The following EPB41 variants were observed in gnomAD, a reference collection of about 807,000 sequenced individuals.
EPB41 encodes the protein erythrocyte membrane protein band 4.1.
Under a neutral mutation model 108.0 loss-of-function variants are expected in EPB41, and 65 were observed. The ratio of observed to expected loss-of-function variants is 0.60; its 90% CI spans 0.49 to 0.74. The LOEUF (loss-of-function observed/expected upper bound fraction) is 0.74, where lower values mean the gene tolerates loss of function less well. EPB41 is among the 30% of genes least tolerant of loss of function. EPB41 has a pLI of 0.00. For missense variants in EPB41, 875 were observed against 1,037.0 expected (o/e 0.84, Z 2.15); for synonymous variants, 336 against 358.9 (o/e 0.94, Z 0.72).
At chr1:28,983,396 G>C (rs973792995) in intron 1 of EPB41, among the ~76,000 whole-genome samples, 3 of 152,176 alleles carry the variant, frequency 2.0e-5, no homozygotes, top group Non-Finnish European at 4.4e-5. Context: ...TTGTAATGGT[G>C]GTTTTCTGTG....
At chr1:29,001,372 T>C (rs1257168832) in intron 4 of EPB41, among the ~76,000 whole-genome samples, 1 of 149,138 alleles carries the variant, frequency 6.7e-6, no homozygotes, top group South Asian at 2.1e-4. Flanking sequence ...TTGTCTAGTC[T>C]GGATGGGTAT....
chr1:28,890,447 A>G (rs1193275608), intron 1 of EPB41, among the ~76,000 whole-genome samples: 3 of 152,060 alleles, frequency 2.0e-5, no homozygotes, highest in Admixed American at 2.0e-4. Context: ...AGTAGGGGAG[A>G]TAAGTCTAAA....
chr1:29,066,819 G>T (rs903970456), intron 16 of EPB41, among the ~76,000 whole-genome samples: 1 of 151,326 alleles, frequency 6.6e-6, no homozygotes, highest in Non-Finnish European at 1.5e-5. Context: ...GATTACAGGC[G>T]CCTGCCGCCA....
intron 16 of EPB41, chr1:29,068,602 C>G (rs539931347): frequency 1.1e-4 from 52 of 485,370 alleles, no homozygotes; most frequent in Non-Finnish European, 1.6e-4. Context: ...ATTCTACTTT[C>G]TGGCATATCT....
chr1:29,075,479 A>G (rs1487635508), intron 16 of EPB41, among the ~76,000 whole-genome samples: 1 of 151,990 alleles, frequency 6.6e-6, no homozygotes, highest in Non-Finnish European at 1.5e-5. Context: ...CTCTGTCTCA[A>G]AAAAAAAGAA....
chr1:28,894,704 T>TA (rs2090478820), intron 1 of EPB41, among the ~76,000 whole-genome samples: 1 of 152,134 alleles, frequency 6.6e-6, no homozygotes, highest in Non-Finnish European at 1.5e-5. Flanking sequence ...GGACAAGGCA[T>TA]GCTCTTCCCT....
chr1:29,112,826 G>A (rs955924445), intron 19 of EPB41, among the ~76,000 whole-genome samples: 1 of 152,192 alleles, frequency 6.6e-6, no homozygotes, highest in Admixed American at 6.6e-5. Flanking sequence ...GTGGCACATG[G>A]TGAGCTCAGT....
At chr1:29,061,468 A>G (rs1039778451) in intron 15 of EPB41, among the ~76,000 whole-genome samples, 2 of 148,750 alleles carry the variant, frequency 1.3e-5, no homozygotes, top group Non-Finnish European at 3.0e-5. Flanking sequence ...ACGGGGTTTC[A>G]CTGTGTTAGC....
intron 11 of EPB41, among the ~76,000 whole-genome samples, chr1:29,052,809 A>G (rs563793775): frequency 8.5e-4 from 129 of 152,226 alleles, no homozygotes; most frequent in Middle Eastern, 6.8e-3. Context: ...AAATTACGAG[A>G]TAAATGGATT....
intron 4 of EPB41, among the ~76,000 whole-genome samples, chr1:29,011,143 A>G (rs2096494357): frequency 6.6e-6 from 1 of 151,282 alleles, no homozygotes; most frequent in African/African-American, 2.4e-5. Context: ...AAAAAAGAAA[A>G]AAAAGAAAAG....
intron 11 of EPB41, among the ~76,000 whole-genome samples, chr1:29,047,369 C>T (rs1452280833): frequency 2.0e-5 from 3 of 149,608 alleles, no homozygotes; most frequent in East Asian, 4.0e-4. Context: ...CCCACCTCAG[C>T]GTCCTGAGTA....
chr1:29,014,143 C>A (rs929958897), intron 5 of EPB41, among the ~76,000 whole-genome samples: 1 of 151,596 alleles, frequency 6.6e-6, no homozygotes. Context: ...ATGGTGAAAC[C>A]CCGTCTATAC....
chr1:28,999,368 T>C (rs1453204430), intron 4 of EPB41, among the ~76,000 whole-genome samples: 2 of 151,610 alleles, frequency 1.3e-5, no homozygotes, highest in Non-Finnish European at 2.9e-5. Context: ...AGACTCCATC[T>C]CAAAAAAAAG....
chr1:28,912,001 G>A (rs1183278792), upstream of EPB41, among the ~76,000 whole-genome samples: 2 of 152,168 alleles, frequency 1.3e-5, no homozygotes, highest in African/African-American at 2.4e-5. Flanking sequence ...AGGCGAGATC[G>A]TGCCATTGCA....
chr1:28,982,942 C>T (rs2095792998), intron 1 of EPB41, among the ~76,000 whole-genome samples: 1 of 151,682 alleles, frequency 6.6e-6, no homozygotes, highest in Non-Finnish European at 1.5e-5. Context: ...ATTCCTTTTT[C>T]CAGAATTATA....
At chr1:28,897,600 AAGGGG>A (rs1216292662) in intron 1 of EPB41, among the ~76,000 whole-genome samples, 56 of 78,418 alleles carry the variant, frequency 7.1e-4, no homozygotes, top group African/African-American at 3.0e-3. Context: ...AAGGGAAGGG[AAGGGG>A]AGGGGAGGGG....
intron 1 of EPB41, among the ~76,000 whole-genome samples, chr1:28,973,355 A>G (rs1019759595): frequency 5.3e-5 from 8 of 152,102 alleles, no homozygotes; most frequent in Admixed American, 3.3e-4. Flanking sequence ...CCTTTAAAAA[A>G]TAATCCATTG....
At chr1:29,097,657 G>C in intron 16 of EPB41, 150 bp from the exon 17 acceptor site, 1 of 859,634 alleles carries the variant, frequency 1.2e-6, no homozygotes, top group African/African-American at 1.7e-5. Flanking sequence ...TTGGAATACT[G>C]TCGAAGTCTT....
At chr1:28,933,467 G>A (rs1411174800) in intron 1 of EPB41, among the ~76,000 whole-genome samples, 1 of 152,118 alleles carries the variant, frequency 6.6e-6, no homozygotes, top group Admixed American at 6.5e-5. Flanking sequence ...GATTGGATTT[G>A]GAACTCTCTT....
Sources: allele counts gnomAD v4.1 joint callset (sites outside exome capture counted in the v4.1 genomes callset), GRCh38; gene constraint gnomAD v4.1.1; transcripts MANE v1.5; gene names NCBI Gene and HGNC (gene_info 2026-07-23, HGNC 2026-07-21).